Variants in XIST observed in about 807,000 individuals in gnomAD.
XIST encodes X inactive specific transcript (non-protein coding).
At chrX:73,827,037 G>A (rs778612579) in exon 6 of XIST, 3 of 558,465 alleles carry the variant, frequency 5.4e-6, no homozygotes, top group East Asian at 6.5e-5. Context: ...TTGGAACATG[G>A]GCTTTCCATC....
exon 6 of XIST, chrX:73,820,751 T>TC (rs750432015): frequency 3.6e-6 from 2 of 555,354 alleles, no homozygotes; most frequent in South Asian, 2.3e-5. Context: ...TTTCTGGTGG[T>TC]CACCCATGCT....
exon 4 of XIST, chrX:73,831,167 T>C: frequency 1.8e-6 from 1 of 557,316 alleles, no homozygotes; most frequent in South Asian, 2.3e-5. Flanking sequence ...CCAGTGGTAG[T>C]GAGCTTTTCC....
chrX:73,831,286 T>C, intron 3 of XIST: 1 of 516,702 alleles, frequency 1.9e-6, no homozygotes. Flanking sequence ...TGAAAAGAGA[T>C]AAAAGAAAAA....
At chrX:73,824,995 T>C (rs750283657) in exon 6 of XIST, 331 of 515,471 alleles carry the variant, frequency 6.4e-4, no homozygotes, top group Non-Finnish European at 1.0e-3. Context: ...CATTCATTCA[T>C]AAATATGTAG....
exon 1 of XIST, chrX:73,845,806 A>G: frequency 2.8e-6 from 1 of 361,503 alleles, no homozygotes; most frequent in Middle Eastern, 4.4e-4. Context: ...AGGGAAAGGA[A>G]GACTGGGAGT....
chrX:73,837,862 T>C (rs1303149139), intron 1 of XIST, among the ~76,000 whole-genome samples: 1 of 111,708 alleles, frequency 9.0e-6, no homozygotes, highest in East Asian at 2.8e-4. Flanking sequence ...GCAGATCTGA[T>C]CTAAAGACTT....
intron 3 of XIST, chrX:73,831,418 C>A: frequency 2.8e-6 from 1 of 351,370 alleles, no homozygotes; most frequent in East Asian, 4.1e-5. Context: ...TTGTGCGGAG[C>A]TGTTATATTC....
chrX:73,831,138 C>A, exon 4 of XIST: 1 of 558,106 alleles, frequency 1.8e-6, no homozygotes, highest in South Asian at 2.2e-5. Flanking sequence ...GACAGAACCT[C>A]CTGACCTAGG....
At chrX:73,824,221 A>G (rs1488733417) in exon 6 of XIST, 1 of 513,973 alleles carries the variant, frequency 1.9e-6, no homozygotes, top group Non-Finnish European at 3.5e-6. Flanking sequence ...TTGGCACACA[A>G]TAGATAACTA....
exon 1 of XIST, chrX:73,849,474 T>C: frequency 1.8e-6 from 1 of 559,075 alleles, no homozygotes. Flanking sequence ...AAATTGGGAC[T>C]GTGACTACAG....
At chrX:73,824,452 T>A in exon 6 of XIST, 1 of 557,538 alleles carries the variant, frequency 1.8e-6, no homozygotes, top group Non-Finnish European at 3.2e-6. Context: ...TTTTTGGCTG[T>A]GGCTAAATGA....
exon 1 of XIST, chrX:73,851,065 G>C (rs980996865): frequency 7.2e-6 from 4 of 557,905 alleles, no homozygotes; most frequent in Non-Finnish European, 9.7e-6. Context: ...TGGACAGTGT[G>C]TCATCAGTCT....
chrX:73,828,563 T>C (rs1259848971), intron 5 of XIST: 1 of 113,789 alleles, frequency 8.8e-6, no homozygotes, highest in African/African-American at 3.2e-5. Flanking sequence ...AGTATTTTCA[T>C]AAAAGGCTCT....
chrX:73,828,910 A>C, intron 5 of XIST: 1 of 401,630 alleles, frequency 2.5e-6, no homozygotes, highest in Non-Finnish European at 4.3e-6. Flanking sequence ...GCTTCAGTGA[A>C]CCCAGTCAGT....
exon 1 of XIST, chrX:73,851,486 G>A (rs772709585): frequency 7.2e-6 from 4 of 558,758 alleles, no homozygotes; most frequent in Non-Finnish European, 1.3e-5. Context: ...GACAGAACTG[G>A]ATCCGCCATT....
At chrX:73,831,350 G>A in intron 3 of XIST, 1 of 444,172 alleles carries the variant, frequency 2.3e-6, no homozygotes. Flanking sequence ...ACTAGTGGTT[G>A]AGTTCAACCA....
intron 2 of XIST, among the ~76,000 whole-genome samples, chrX:73,836,133 C>T (rs1234407340): frequency 9.0e-6 from 1 of 111,059 alleles, no homozygotes; most frequent in Admixed American, 9.7e-5. Context: ...TTCTCAGGGT[C>T]CTTTAGCTCT....
At chrX:73,836,083 C>A (rs933195668) in intron 2 of XIST, among the ~76,000 whole-genome samples, 18 of 111,162 alleles carry the variant, frequency 1.6e-4, no homozygotes, top group Non-Finnish European at 1.9e-4. Context: ...TCCTATCCCA[C>A]GTGTGAACAT....
exon 1 of XIST, chrX:73,850,953 C>T (rs1249766466): frequency 1.8e-6 from 1 of 557,193 alleles, no homozygotes; most frequent in Non-Finnish European, 3.2e-6. Flanking sequence ...GGTGTACCGC[C>T]CACTGGGAGA....
Sources: gnomAD v4.1 joint callset for allele counts (sites outside exome capture counted in the v4.1 genomes callset) on GRCh38, gnomAD v4.1.1 for gene constraint, MANE v1.5 for transcripts, NCBI Gene and HGNC (gene_info 2026-07-23, HGNC 2026-07-21) for gene names.